The following DPH6 variants were observed in gnomAD, a reference collection of about 807,000 sequenced individuals.
The protein encoded by DPH6 is diphthamine biosynthesis 6.
Under a neutral mutation model 38.2 loss-of-function variants are expected in DPH6, and 33 were observed. The observed-to-expected ratio is 0.86, with a 90% CI of 0.65 to 1.15. DPH6 has a LOEUF of 1.15. DPH6 is among the 50% of genes most tolerant of loss of function. The pLI is 0.00. For synonymous variants in DPH6, 108 were observed against 103.0 expected, an observed-to-expected ratio of 1.05 and a Z score of -0.30; for missense variants, 325 against 320.0, an observed-to-expected ratio of 1.02 and a Z score of -0.12.
chr15:35,530,603 G>A (rs1161242826), intron 3 of DPH6, among the ~76,000 whole-genome samples: 1 of 152,168 alleles, frequency 6.6e-6, no homozygotes, highest in Non-Finnish European at 1.5e-5. Context: ...CTGATACCAA[G>A]TGGAGAAAAG....
At chr15:35,524,621 G>C (rs1157552105) in intron 3 of DPH6, among the ~76,000 whole-genome samples, 1 of 152,170 alleles carries the variant, frequency 6.6e-6, no homozygotes, top group Non-Finnish European at 1.5e-5. Flanking sequence ...CCTTGGATGA[G>C]TTACTTAACC....
chr15:35,351,310 T>C (rs2052508339), intron 3 of DPH6, among the ~76,000 whole-genome samples: 1 of 152,178 alleles, frequency 6.6e-6, no homozygotes, highest in African/African-American at 2.4e-5. Context: ...AGTGAGTCTC[T>C]CATAGATAGC....
chr15:35,253,610 T>C (rs2051688813), intron 3 of DPH6, among the ~76,000 whole-genome samples: 1 of 152,228 alleles, frequency 6.6e-6, no homozygotes, highest in African/African-American at 2.4e-5. Flanking sequence ...AATACGCTAG[T>C]CACTTAAAAA....
intron 3 of DPH6, among the ~76,000 whole-genome samples, chr15:35,478,191 T>C (rs1048188054): frequency 2.6e-5 from 4 of 151,896 alleles, no homozygotes; most frequent in African/African-American, 9.7e-5. Flanking sequence ...TCAGACAGTA[T>C]CACATTATGT....
At chr15:35,247,280 C>T (rs554579663) in intron 3 of DPH6, among the ~76,000 whole-genome samples, 1 of 152,198 alleles carries the variant, frequency 6.6e-6, no homozygotes, top group Non-Finnish European at 1.5e-5. Flanking sequence ...TCTACTTGAG[C>T]TGCTTCTCTT....
chr15:35,270,996 T>C (rs2051818832), intron 3 of DPH6, among the ~76,000 whole-genome samples: 1 of 152,214 alleles, frequency 6.6e-6, no homozygotes, highest in South Asian at 2.1e-4. Context: ...GCGAAGACCA[T>C]CTACCTACAA....
chr15:35,318,915 C>T (rs745430792), intron 3 of DPH6, among the ~76,000 whole-genome samples: 1 of 152,108 alleles, frequency 6.6e-6, no homozygotes. Flanking sequence ...TCAATATACA[C>T]ACAAGATCAC....
At chr15:35,388,213 G>A (rs1372083005) in intron 6 of DPH6, among the ~76,000 whole-genome samples, 1 of 152,174 alleles carries the variant, frequency 6.6e-6, no homozygotes, top group Non-Finnish European at 1.5e-5. Context: ...TGGTGAATAA[G>A]CTTTTTGATG....
chr15:35,454,223 G>A (rs1463622082), intron 4 of DPH6, among the ~76,000 whole-genome samples: 1 of 152,082 alleles, frequency 6.6e-6, no homozygotes, highest in Non-Finnish European at 1.5e-5. Context: ...GGGGAGTAGA[G>A]ACGGGCTAGG....
the DPH6 span, among the ~76,000 whole-genome samples, chr15:35,146,735 T>C: frequency 1.3e-5 from 2 of 152,192 alleles, no homozygotes; most frequent in Admixed American, 6.5e-5. Context: ...TGTCTGGGCA[T>C]TGACTTAGCC....
intron 3 of DPH6, among the ~76,000 whole-genome samples, chr15:35,321,500 C>A (rs1185884794): frequency 2.0e-5 from 3 of 152,170 alleles, no homozygotes; most frequent in Non-Finnish European, 4.4e-5. Flanking sequence ...AAGAGGGGAG[C>A]AATAGTGACT....
chr15:35,416,675 T>C (rs985102480), intron 5 of DPH6, among the ~76,000 whole-genome samples: 2 of 152,100 alleles, frequency 1.3e-5, no homozygotes, highest in Admixed American at 6.6e-5. Context: ...GGTTACTTTA[T>C]CTGAATATCT....
rs906118015 is a variant in DPH6, at chr15:35,529,918, A to C, written c.312+8356T>G. On this transcript the variant is annotated intron_variant, in intron 3 of 8. Transcript: ENST00000256538. ...AACCAAAAATAAAAAATAAAAAAAA[A>C]CACTAAGTATTTATCAATAATATCA... 5.9e-5 allele frequency among the ~76,000 whole-genome samples: 9 copies of C among 152,222 alleles called. No individual in the cohort carries two copies. The East Asian group carries it at 7.7e-4, about 13-fold the overall frequency.
chr15:35,342,631 G>A (rs757789621), intron 3 of DPH6, among the ~76,000 whole-genome samples: 1 of 152,130 alleles, frequency 6.6e-6, no homozygotes, highest in Non-Finnish European at 1.5e-5. Flanking sequence ...CCTCCAAAGT[G>A]GTTTCTAAGT....
chr15:35,425,664 AGTGTGTGTGTAT>A (rs771741628), intron 5 of DPH6, among the ~76,000 whole-genome samples: 3 of 124,866 alleles, frequency 2.4e-5, no homozygotes, highest in East Asian at 2.2e-4. Context: ...TATATATGGA[AGTGTGTGTGTAT>A]GTGTGTGTGT....
chr15:35,515,565 T>C (rs8041470), intron 3 of DPH6, among the ~76,000 whole-genome samples: 12,355 of 151,238 alleles, frequency 0.082, 688 homozygotes, highest in African/African-American at 0.15. Flanking sequence ...ACTAAAAATA[T>C]AAAAAATTAG....
At chr15:35,435,868 T>C (rs1409591179) in intron 5 of DPH6, among the ~76,000 whole-genome samples, 1 of 152,148 alleles carries the variant, frequency 6.6e-6, no homozygotes. Flanking sequence ...GAGGAAACTG[T>C]GGTCCCTTCT....
chr15:35,354,213 T>A (rs8037366), intron 3 of DPH6, among the ~76,000 whole-genome samples: 55,302 of 152,114 alleles, frequency 0.36, 11,951 homozygotes, highest in African/African-American at 0.61. Context: ...AGATACAATC[T>A]TGTCATCTGC....
chr15:35,445,585 A>C (rs1424533996), intron 5 of DPH6, among the ~76,000 whole-genome samples: 2 of 152,282 alleles, frequency 1.3e-5, no homozygotes, highest in East Asian at 3.9e-4. Context: ...ATTAAGAGAA[A>C]GGTATGTCAT....
Sources: allele counts gnomAD v4.1 joint callset (sites outside exome capture counted in the v4.1 genomes callset), GRCh38; gene constraint gnomAD v4.1.1; transcripts MANE v1.5; gene names NCBI Gene and HGNC (gene_info 2026-07-23, HGNC 2026-07-21).